The following ZFYVE16 variants were observed in gnomAD, a reference collection of about 807,000 sequenced individuals.
ZFYVE16 encodes zinc finger FYVE-type containing 16, also known as zinc finger FYVE domain-containing protein 16.
ZFYVE16 carries 89 observed loss-of-function variants against 138.1 expected under a neutral mutation model. That is an observed-to-expected ratio of 0.64 (90% confidence interval 0.54 to 0.77). ZFYVE16 has a LOEUF of 0.77. Among genes scored for constraint, ZFYVE16 ranks in the 30% least tolerant of loss-of-function variants. The pLI is 0.00. For missense variants in ZFYVE16, 1,793 were observed against 1,786.7 expected (o/e 1.00, Z -0.06); for synonymous variants, 596 against 618.3 (o/e 0.96, Z 0.53).
chr5:80,438,182 T>C lies in ZFYVE16; in HGVS notation c.1497T>C (p.Phe499=). The C allele has an allele frequency of 1.2e-6, 2 of 1,613,992 alleles. No homozygotes were observed. Among genetic ancestry groups the C allele is most frequent in the Non-Finnish European group, 1.7e-6 (2 of 1,179,950 alleles). The change falls in exon 4 of 19, where the codon TTT becomes TTC. Residue 499 remains phenylalanine (F), a synonymous_variant. Transcript: ENST00000505560. ...VPESSDCCEG[F]INTFSSNDMD... is the part of the protein sequence containing the mutation. ...AGTCTTCTGATTGTTGTGAAGGTTT[T>C]ATTAATACTTTTTCAAGCAATGATA...
At chr5:80,418,985 G>C in intron 1 of ZFYVE16, among the ~76,000 whole-genome samples, 1 of 150,664 alleles carries the variant, frequency 6.6e-6, no homozygotes, top group Admixed American at 6.6e-5. Context: ...GAGATGTCCA[G>C]TTTTTTCAGC....
intron 1 of ZFYVE16, among the ~76,000 whole-genome samples, chr5:80,411,134 A>ATTTTT (rs58086060): frequency 6.3e-5 from 6 of 95,244 alleles, no homozygotes; most frequent in African/African-American, 2.0e-4. Flanking sequence ...CGCCCAGCTA[A>ATTTTT]TTTTTTTTTT....
At chr5:80,419,949 T>C (rs536619360) in intron 1 of ZFYVE16, among the ~76,000 whole-genome samples, 1 of 151,732 alleles carries the variant, frequency 6.6e-6, no homozygotes, top group East Asian at 1.9e-4. Flanking sequence ...GTAGCTGGGA[T>C]TACAGGTACA....
In ZFYVE16 at chr5:80,440,032, G is replaced by T; in HGVS notation, c.2419G>T (p.Ala807Ser). ...AGTCTGCTATGAAACTATTAGTAAA[G>T]GTGAGTATTAACTTGATATATTTTC... ...CVVCYETISKAQAFERMMSPT... is the reference protein window; with the variant it reads ...CVVCYETISKSQAFERMMSPT... The change falls in exon 5 of 19, where the codon GCT becomes TCT. Residue 807 changes from alanine (A) to serine (S), a missense_variant and splice_region_variant. Ala to Ser is a moderately conservative substitution (Grantham distance 99, BLOSUM62 1). Transcript: ENST00000505560. 1 of 1,603,668 alleles carries T rather than the reference G, an allele frequency of 6.2e-7. No homozygotes were observed. Among genetic ancestry groups the T allele is most frequent in the Non-Finnish European group, 8.5e-7 (1 of 1,175,312 alleles).
At chr5:80,411,213 A>C (rs993848293) in intron 1 of ZFYVE16, among the ~76,000 whole-genome samples, 2 of 140,912 alleles carry the variant, frequency 1.4e-5, no homozygotes, top group African/African-American at 5.3e-5. Flanking sequence ...CGATCTCTTG[A>C]CCTTGTGATC....
chr5:80,481,528 G>A lies in ZFYVE16; in HGVS notation c.*4151G>A, dbSNP rs1342264889. On this transcript the variant is annotated 3_prime_UTR_variant, in exon 19 of 19. Transcript: ENST00000505560. ...CAAAGAACAGCTTAACAAAGGCAGT[G>A]AAAACTAACATTGGAACCACAGCCA... Among the ~76,000 whole-genome samples, 1 of 152,046 alleles carries A rather than the reference G, an allele frequency of 6.6e-6. No individual in the cohort carries two copies.
chr5:80,443,007 T>G (rs1026972684), intron 5 of ZFYVE16, 116 bp from the exon 6 acceptor site: 1 of 1,019,884 alleles, frequency 9.8e-7, no homozygotes, highest in African/African-American at 1.7e-5. Context: ...TTTTCTTGAT[T>G]AGCCATTTCT....
intron 14 of ZFYVE16, among the ~76,000 whole-genome samples, chr5:80,457,487 A>T (rs2112480476): frequency 6.6e-6 from 1 of 152,352 alleles, no homozygotes; most frequent in South Asian, 2.1e-4. Flanking sequence ...AACAAACAGC[A>T]TCTATGAATG....
At chr5:80,435,645 T>C (rs1749796097) in intron 3 of ZFYVE16, 1 of 359,014 alleles carries the variant, frequency 2.8e-6, no homozygotes, top group Non-Finnish European at 5.5e-6. Context: ...CATAGCTCAC[T>C]GCAGCCTTGA....
rs747645315 is a variant in ZFYVE16 at position 80,451,550 on chromosome 5, G to A, written c.3448G>A (p.Gly1150Arg). 25 of 1,613,774 alleles carry A rather than the reference G, an allele frequency of 1.5e-5. No individual in the cohort carries two copies. The Middle Eastern group carries it at 5.0e-4, about 32-fold the overall frequency. ...GAGTTTTCTCAGTAGCAAGGATCAC[G>A]GAGGATTCCTGTTTATTACACCTAC... ...TESFLSSKDH[G>R]GFLFITPTFQ... The change falls in exon 11 of 19, where the codon GGA becomes AGA. Residue 1150 changes from glycine to arginine, a missense_variant. Gly to Arg is a moderately radical substitution (Grantham distance 125, BLOSUM62 -2). Coordinates refer to ENST00000505560, the MANE Select transcript of ZFYVE16 (RefSeq NM_001284236.3).
At chr5:80,411,354 C>T (rs921202919) in intron 1 of ZFYVE16, among the ~76,000 whole-genome samples, 2 of 151,694 alleles carry the variant, frequency 1.3e-5, no homozygotes, top group Non-Finnish European at 2.9e-5. Flanking sequence ...TTACATAATC[C>T]CATTCCTAGA....
chr5:80,459,516 G>A (rs751645995), intron 15 of ZFYVE16, 22 bp downstream of exon 15: 2 of 1,579,820 alleles, frequency 1.3e-6, no homozygotes, highest in South Asian at 2.3e-5. Flanking sequence ...ATTTTTAATG[G>A]TGTTTTAATG....
chr5:80,481,615 A>G lies in ZFYVE16; in HGVS notation c.*4238A>G, dbSNP rs1755273494. The stretch of plus-strand genomic sequence containing the variant: ...AACTGAATTGATGGTCTGCTAAAAC[A>G]AAACAAAACAAAAACATTCTTATGA... On this transcript the variant is annotated 3_prime_UTR_variant, in exon 19 of 19. Transcript: ENST00000505560. 6.6e-6 allele frequency among the ~76,000 whole-genome samples: 1 copy of G among 152,100 alleles called. No individual in the cohort carries two copies. Among genetic ancestry groups the G allele is most frequent in the Admixed American group, 6.5e-5 (1 of 15,284 alleles).
At chr5:80,453,885 T>A (rs1257571216) in intron 11 of ZFYVE16, 5 of 152,234 alleles carry the variant, frequency 3.3e-5, no homozygotes, top group Non-Finnish European at 5.9e-5. Context: ...TACCATTAAA[T>A]GTTCAAATAG....
At chr5:80,440,127 G>T in intron 5 of ZFYVE16, 95 bp downstream of exon 5, 1 of 1,429,262 alleles carries the variant, frequency 7.0e-7, no homozygotes, top group Non-Finnish European at 9.2e-7. Context: ...TTTTCTTAAG[G>T]CAAGGACCTA....
At position 80,438,501 on chromosome 5, in the gene ZFYVE16, G is replaced by A; in HGVS notation, c.1816G>A (p.Glu606Lys). 1 of 1,613,570 alleles carries A rather than the reference G, an allele frequency of 6.2e-7. No individual in the cohort carries two copies. The highest frequency in any genetic ancestry group is 8.5e-7 in the Non-Finnish European group (1 of 1,179,786). Reference sequence around the variant, plus strand: ...AATAGTTGATAAACAAAATACAATAGAAAATGGCCTTTCTTTAGGAGAAAA... The same window carrying A: ...AATAGTTGATAAACAAAATACAATAAAAAATGGCCTTTCTTTAGGAGAAAA... ...CEIVDKQNTI[E>K]NGLSLGEKST... is the part of the protein sequence containing the mutation. The change falls in exon 4 of 19, where the codon GAA becomes AAA. Residue 606 changes from glutamate to lysine, a missense_variant. Transcript: ENST00000505560.
intron 15 of ZFYVE16, among the ~76,000 whole-genome samples, chr5:80,470,094 TG>T (rs1295097882): frequency 1.7e-3 from 87 of 51,798 alleles, no homozygotes; most frequent in East Asian, 0.013. Flanking sequence ...TGTGTGTGTG[TG>T]TGTGTATTTT....
intron 1 of ZFYVE16, among the ~76,000 whole-genome samples, chr5:80,417,301 A>G (rs907866049): frequency 3.3e-5 from 5 of 152,156 alleles, no homozygotes; most frequent in Non-Finnish European, 7.3e-5. Context: ...AGGTTGTTTC[A>G]TACATTTGGA....
chr5:80,416,173 T>C (rs562090951), intron 1 of ZFYVE16, among the ~76,000 whole-genome samples: 1 of 152,204 alleles, frequency 6.6e-6, no homozygotes, highest in South Asian at 2.1e-4. Flanking sequence ...TTTTTTTTAT[T>C]TTTTTGCGTG....
Sources: allele counts gnomAD v4.1 joint callset (sites outside exome capture counted in the v4.1 genomes callset), GRCh38; gene constraint gnomAD v4.1.1; transcripts MANE v1.5; gene names NCBI Gene and HGNC (gene_info 2026-07-23, HGNC 2026-07-21).